GMDS: variants seen among roughly 807,000 people sequenced by gnomAD.
The protein encoded by GMDS is GDP-mannose 4,6 dehydratase.
Under a neutral mutation model 49.9 loss-of-function variants are expected in GMDS, and 20 were observed. The ratio of observed to expected loss-of-function variants is 0.40; its 90% CI spans 0.28 to 0.58. GMDS has a LOEUF of 0.58. Among genes scored for constraint, GMDS ranks in the 20% least tolerant of loss-of-function variants. The pLI is 0.42. For synonymous variants in GMDS, 177 were observed against 178.6 expected, an observed-to-expected ratio of 0.99 and a Z score of 0.07; for missense variants, 362 against 481.4, an observed-to-expected ratio of 0.75 and a Z score of 2.32.
At chr6:1,714,313 C>T (rs1304666308) in intron 9 of GMDS, among the ~76,000 whole-genome samples, 3 of 152,012 alleles carry the variant, frequency 2.0e-5, no homozygotes, top group Admixed American at 6.6e-5. Context: ...CCACTGTGCC[C>T]GGCCTCACTT....
intron 2 of GMDS, among the ~76,000 whole-genome samples, chr6:2,121,191 T>C (rs1775119752): frequency 6.6e-6 from 1 of 152,156 alleles, no homozygotes; most frequent in South Asian, 2.1e-4. Flanking sequence ...AGCTAACCAC[T>C]TTGTCCACCC....
intron 4 of GMDS, among the ~76,000 whole-genome samples, chr6:2,031,943 GA>G (rs1768988059): frequency 6.6e-6 from 1 of 152,164 alleles, no homozygotes; most frequent in Non-Finnish European, 1.5e-5. Context: ...AATGCCTTAT[GA>G]AAACATTAGC....
At chr6:1,811,282 G>A (rs1313726636) in intron 7 of GMDS, among the ~76,000 whole-genome samples, 7 of 152,092 alleles carry the variant, frequency 4.6e-5, no homozygotes, top group Admixed American at 2.6e-4. Flanking sequence ...ATACTCTTGC[G>A]ATCTTTTCTA....
chr6:2,063,847 G>C (rs1024460552), intron 4 of GMDS, among the ~76,000 whole-genome samples: 1 of 152,210 alleles, frequency 6.6e-6, no homozygotes, highest in African/African-American at 2.4e-5. Flanking sequence ...GAGTGAGAAC[G>C]AGCCAGAAAA....
At chr6:1,757,860 AG>A (rs1768009613) in intron 7 of GMDS, among the ~76,000 whole-genome samples, 1 of 152,268 alleles carries the variant, frequency 6.6e-6, no homozygotes, top group Non-Finnish European at 1.5e-5. Context: ...AAAAGTAAAA[AG>A]AAAAGGTGAA....
intron 9 of GMDS, among the ~76,000 whole-genome samples, chr6:1,703,436 C>A (rs1317496579): frequency 6.6e-6 from 1 of 151,828 alleles, no homozygotes; most frequent in African/African-American, 2.4e-5. Flanking sequence ...AAAGAGAAGT[C>A]TGTAGCTCAG....
intron 1 of GMDS, among the ~76,000 whole-genome samples, chr6:2,143,511 T>C: frequency 6.6e-6 from 1 of 152,196 alleles, no homozygotes; most frequent in East Asian, 1.9e-4. Flanking sequence ...AAAAATCAGC[T>C]TGATTTCCAT....
chr6:1,955,088 A>G (rs1763560166), intron 6 of GMDS, among the ~76,000 whole-genome samples: 1 of 152,274 alleles, frequency 6.6e-6, no homozygotes, highest in Middle Eastern at 3.4e-3. Flanking sequence ...CACCTGAAAA[A>G]ATAGTACCTA....
intron 4 of GMDS, among the ~76,000 whole-genome samples, chr6:1,966,372 G>A (rs1427274500): frequency 1.2e-4 from 17 of 142,136 alleles, no homozygotes; most frequent in South Asian, 4.5e-4. Flanking sequence ...TCAGACTGAT[G>A]AAAAAAAAAA....
intron 9 of GMDS, among the ~76,000 whole-genome samples, chr6:1,636,727 C>A (rs558388061): frequency 6.6e-6 from 1 of 152,250 alleles, no homozygotes; most frequent in South Asian, 2.1e-4. Flanking sequence ...GCCCTTACCA[C>A]GCTACGGTTA....
chr6:2,129,009 A>G (rs560215752), intron 1 of GMDS, among the ~76,000 whole-genome samples: 4 of 152,198 alleles, frequency 2.6e-5, no homozygotes, highest in Non-Finnish European at 5.9e-5. Context: ...GCCAGGTTTC[A>G]GTGTTCCTGA....
Position 1,739,391 on chromosome 6 carries a change from G to A in GMDS, c.890+3077C>T, listed in dbSNP as rs111373185. Among the ~76,000 whole-genome samples, 1,147 of 152,324 alleles carry A rather than the reference G, an allele frequency of 7.5e-3. 11 individuals are homozygous for A. The highest frequency in any genetic ancestry group is 0.026 in the African/African-American group (1,094 of 41,570). On this transcript the variant is annotated intron_variant, in intron 8 of 10. Coordinates refer to ENST00000380815, the MANE Select transcript of GMDS (RefSeq NM_001500.4). The stretch of plus-strand genomic sequence containing the variant: ...CAGGCTCGCCCTAACCACTCCCTGC[G>A]TGCCGCGGTGAGCATGGGCTGTCTC...
chr6:2,065,998 A>C (rs1410637649), intron 4 of GMDS, among the ~76,000 whole-genome samples: 1 of 152,246 alleles, frequency 6.6e-6, no homozygotes, highest in African/African-American at 2.4e-5. Flanking sequence ...AATGAAGGAA[A>C]AAATGTTAAG....
At chr6:2,003,037 C>G (rs974847226) in intron 4 of GMDS, among the ~76,000 whole-genome samples, 1 of 152,074 alleles carries the variant, frequency 6.6e-6, no homozygotes, top group Admixed American at 6.5e-5. Flanking sequence ...ATATAGAACA[C>G]TGGCTACCAC....
intron 4 of GMDS, among the ~76,000 whole-genome samples, chr6:2,027,447 AAG>A (rs1380507380): frequency 1.3e-5 from 2 of 152,330 alleles, no homozygotes; most frequent in Admixed American, 1.3e-4. Context: ...GGGAATTTGA[AAG>A]ATTTTTATTT....
chr6:1,878,246 C>T (rs1278710644), intron 7 of GMDS, among the ~76,000 whole-genome samples: 4 of 131,038 alleles, frequency 3.1e-5, no homozygotes, highest in East Asian at 2.5e-4. Flanking sequence ...ACCTGGGAGG[C>T]GGAGCTTGCA....
chr6:1,935,276 C>T (rs963724139), intron 6 of GMDS, among the ~76,000 whole-genome samples: 7 of 152,166 alleles, frequency 4.6e-5, no homozygotes, highest in Non-Finnish European at 8.8e-5. Flanking sequence ...CATGCCAAAT[C>T]ACTGGGTACA....
chr6:2,130,958 C>T (rs777375120), intron 1 of GMDS, among the ~76,000 whole-genome samples: 9 of 151,790 alleles, frequency 5.9e-5, no homozygotes, highest in African/African-American at 2.2e-4. Flanking sequence ...TATATATACA[C>T]TTTACCTATT....
intron 7 of GMDS, among the ~76,000 whole-genome samples, chr6:1,823,453 T>G (rs1255079094): frequency 1.3e-5 from 2 of 152,196 alleles, no homozygotes; most frequent in African/African-American, 4.8e-5. Context: ...ATCTTCCCAA[T>G]TGTATGTTCT....
Sources: gnomAD v4.1 joint callset for allele counts (sites outside exome capture counted in the v4.1 genomes callset) on GRCh38, gnomAD v4.1.1 for gene constraint, MANE v1.5 for transcripts, NCBI Gene and HGNC (gene_info 2026-07-23, HGNC 2026-07-21) for gene names.